The following PLAAT1 variants were observed in gnomAD, a reference collection of about 807,000 sequenced individuals.
The protein encoded by PLAAT1 is H-REV107 protein-related protein.
A neutral mutation model predicts 16.4 loss-of-function variants in PLAAT1; 13 were observed. That is an observed-to-expected ratio of 0.79 (90% CI 0.52 to 1.26). The LOEUF (loss-of-function observed/expected upper bound fraction) is 1.26. PLAAT1 is among the 50% of genes most tolerant of loss of function. The pLI is 0.00. For synonymous variants in PLAAT1, 73 were observed against 78.4 expected, an observed-to-expected ratio of 0.93 and a Z score of 0.36; for missense variants, 218 against 207.8, an observed-to-expected ratio of 1.05 and a Z score of -0.30.
intron 2 of PLAAT1, among the ~76,000 whole-genome samples, chr3:193,260,914 T>A (rs1001718920): frequency 1.1e-4 from 17 of 152,174 alleles, no homozygotes; most frequent in African/African-American, 4.1e-4. Context: ...CATCACAGCA[T>A]TATTTGCATA....
intron 2 of PLAAT1, among the ~76,000 whole-genome samples, chr3:193,256,948 T>G (rs1716397050): frequency 6.6e-6 from 1 of 152,192 alleles, no homozygotes; most frequent in Non-Finnish European, 1.5e-5. Flanking sequence ...CATTGCATCA[T>G]GGAGGGAAAC....
At chr3:193,249,501 T>C (rs2108782349) in intron 1 of PLAAT1, among the ~76,000 whole-genome samples, 1 of 152,288 alleles carries the variant, frequency 6.6e-6, no homozygotes, top group Non-Finnish European at 1.5e-5. Context: ...AAAATTCCTT[T>C]CATTATATGT....
chr3:193,271,269 G>A (rs1284316639), downstream of PLAAT1, among the ~76,000 whole-genome samples: 1 of 152,148 alleles, frequency 6.6e-6, no homozygotes, highest in African/African-American at 2.4e-5. Flanking sequence ...GTTTGCTCCA[G>A]GGTTTCAGTT....
At chr3:193,242,123 T>C in intron 1 of PLAAT1, among the ~76,000 whole-genome samples, 1 of 132,676 alleles carries the variant, frequency 7.5e-6, no homozygotes. Flanking sequence ...TTTTTTGCGC[T>C]TTTTTTTTTT....
intron 3 of PLAAT1, among the ~76,000 whole-genome samples, chr3:193,265,217 G>A (rs191749269): frequency 3.4e-4 from 52 of 152,318 alleles, no homozygotes; most frequent in Non-Finnish European, 5.4e-4. Context: ...GTTTATAGCA[G>A]CATTGTAGAA....
chr3:193,275,157 TC>T, downstream of PLAAT1: 2 of 1,614,220 alleles, frequency 1.2e-6, no homozygotes, highest in South Asian at 2.2e-5. Context: ...ATTTTTGCCA[TC>T]ACCTGAATAA....
upstream of PLAAT1, chr3:193,241,212 G>C: frequency 8.2e-7 from 1 of 1,223,058 alleles, no homozygotes; most frequent in South Asian, 4.1e-5. Context: ...GGAGCGGGCG[G>C]CTCCCCATGG....
intron 3 of PLAAT1, among the ~76,000 whole-genome samples, chr3:193,265,311 G>C (rs1329832586): frequency 2.6e-5 from 4 of 152,138 alleles, no homozygotes; most frequent in Admixed American, 2.6e-4. Flanking sequence ...ATAATAAAAA[G>C]AAATGAAGTA....
At position 193,241,275 on chromosome 3, in the gene PLAAT1, GC is replaced by G. The variant is rs1187284162; in HGVS notation, c.-253del. On this transcript the variant is annotated 5_prime_UTR_variant, in exon 1 of 4. Coordinates refer to ENST00000264735, the MANE Select transcript of PLAAT1 (RefSeq NM_020386.5). Reference sequence around the variant, plus strand: ...CCCGGACGCCGAGCCCAGCGCGTCGGCCCCCCGGCGTGCGGGCGTCTCAGAG... The same window carrying G: ...CCCGGACGCCGAGCCCAGCGCGTCGGCCCCCGGCGTGCGGGCGTCTCAGAG... The G allele has an allele frequency of 8.1e-7, 1 of 1,229,664 alleles. No homozygotes were observed. Among genetic ancestry groups the G allele is most frequent in the Non-Finnish European group, 1.0e-6 (1 of 986,618 alleles). The allele number at this position is 1,229,664 out of a possible 1,614,324, so 76.2% of individuals were successfully genotyped here.
upstream of PLAAT1, among the ~76,000 whole-genome samples, chr3:193,240,753 T>G (rs1343085668): frequency 1.3e-5 from 2 of 150,854 alleles, no homozygotes; most frequent in Non-Finnish European, 3.0e-5. Context: ...GCAGTGAGGT[T>G]GTTTTAGGGC....
chr3:193,281,250 C>T, downstream of PLAAT1: 1 of 980,156 alleles, frequency 1.0e-6, no homozygotes, highest in Non-Finnish European at 1.2e-6. Context: ...AAGGTCTGTT[C>T]TGATGAAGTC....
intron 3 of PLAAT1, among the ~76,000 whole-genome samples, chr3:193,269,171 C>G (rs959522868): frequency 1.3e-5 from 2 of 151,950 alleles, no homozygotes; most frequent in Non-Finnish European, 2.9e-5. Flanking sequence ...TGGCTCTGTG[C>G]TACAGTGAAT....
downstream of PLAAT1, among the ~76,000 whole-genome samples, chr3:193,278,182 C>T (rs1459961856): frequency 6.6e-6 from 1 of 152,196 alleles, no homozygotes; most frequent in Non-Finnish European, 1.5e-5. Flanking sequence ...CCTTATTCAT[C>T]TTTGTAACTC....
At chr3:193,249,679 TC>T (rs1716122262) in intron 1 of PLAAT1, among the ~76,000 whole-genome samples, 1 of 152,120 alleles carries the variant, frequency 6.6e-6, no homozygotes, top group Admixed American at 6.6e-5. Flanking sequence ...GCTGTTTCAC[TC>T]TTTTTCATTC....
At chr3:193,249,508 A>G (rs1208738566) in intron 1 of PLAAT1, among the ~76,000 whole-genome samples, 1 of 152,088 alleles carries the variant, frequency 6.6e-6, no homozygotes, top group African/African-American at 2.4e-5. Context: ...CTTTCATTAT[A>G]TGTTGTTTTG....
rs1358852340 is a variant in PLAAT1 at position 193,241,647 on chromosome 3, CCCT to C, written c.-1+119_-1+121del. On this transcript the variant is annotated intron_variant, in intron 1 of 3. Transcript: ENST00000264735. The stretch of plus-strand genomic sequence containing the variant: ...ACTAGAGAACAACGGAGCTTATCCA[CCCT>C]CCTCTTTTTCACAGACTGGGGAACT... The C allele has an allele frequency of 1.2e-5, 8 of 693,754 alleles. No homozygotes were observed. In the Admixed American group the frequency reaches 1.3e-4, roughly 11 times the overall value. The allele number at this position is 693,754 out of a possible 1,614,324, so 43.0% of individuals were successfully genotyped here.
chr3:193,281,290 G>C (rs1164492377), downstream of PLAAT1: 1 of 747,904 alleles, frequency 1.3e-6, no homozygotes, highest in Non-Finnish European at 1.6e-6. Context: ...GGGGCTGAGT[G>C]GGGTGCACAT....
intron 2 of PLAAT1, chr3:193,276,825 G>A: frequency 6.2e-7 from 1 of 1,612,442 alleles, no homozygotes; most frequent in South Asian, 1.1e-5. Context: ...TTATGGTTGG[G>A]ATCAACTGTT....
At chr3:193,278,308 C>CT (rs1201109256), downstream of PLAAT1, among the ~76,000 whole-genome samples, 4 of 152,188 alleles carry the variant, frequency 2.6e-5, no homozygotes, top group African/African-American at 9.7e-5. Flanking sequence ...TCTAATTAGT[C>CT]TGTCTTCAGA....
Sources: allele counts gnomAD v4.1 joint callset (sites outside exome capture counted in the v4.1 genomes callset), GRCh38; gene constraint gnomAD v4.1.1; transcripts MANE v1.5; gene names NCBI Gene and HGNC (gene_info 2026-07-23, HGNC 2026-07-21).